OPCML: variants seen among roughly 807,000 people sequenced by gnomAD.
The protein encoded by OPCML is opioid-binding protein/cell adhesion molecule.
A neutral mutation model predicts 37.8 loss-of-function variants in OPCML; 13 were observed. The observed-to-expected ratio is 0.34, with a 90% CI of 0.22 to 0.55. The LOEUF is 0.55. OPCML is among the 20% of genes least tolerant of loss of function. OPCML has a pLI of 0.91. For synonymous variants in OPCML, 176 were observed against 168.8 expected, an observed-to-expected ratio of 1.04 and a Z score of -0.33; for missense variants, 341 against 435.6, an observed-to-expected ratio of 0.78 and a Z score of 1.93.
intron 2 of OPCML, among the ~76,000 whole-genome samples, chr11:132,793,326 T>A (rs7938345): frequency 0.53 from 81,185 of 152,056 alleles, 22,071 homozygotes; most frequent in African/African-American, 0.61. Context: ...CCGCAGAAAT[T>A]ACAAGCCCTT....
At chr11:132,439,641 A>G (rs532223226) in intron 4 of OPCML, among the ~76,000 whole-genome samples, 1 of 152,262 alleles carries the variant, frequency 6.6e-6, no homozygotes, top group African/African-American at 2.4e-5. Flanking sequence ...AAGCCTTTTT[A>G]AGGATTAAAC....
chr11:133,484,807 C>T (rs1348773382), intron 1 of OPCML, among the ~76,000 whole-genome samples: 1 of 151,730 alleles, frequency 6.6e-6, no homozygotes. Flanking sequence ...TAAGTTGTTA[C>T]ATTAAAATAT....
intron 1 of OPCML, among the ~76,000 whole-genome samples, chr11:133,412,288 A>G (rs1015376790): frequency 1.3e-5 from 2 of 152,212 alleles, no homozygotes; most frequent in African/African-American, 4.8e-5. Flanking sequence ...CAGCTGTCCC[A>G]CAGTGAGGCC....
intron 1 of OPCML, among the ~76,000 whole-genome samples, chr11:133,470,455 C>T (rs1171837085): frequency 6.6e-6 from 1 of 152,218 alleles, no homozygotes; most frequent in Non-Finnish European, 1.5e-5. Context: ...ACAGCTCCCC[C>T]ATCCCTGTGA....
At chr11:132,446,637 A>G (rs2096056070) in intron 4 of OPCML, among the ~76,000 whole-genome samples, 1 of 152,132 alleles carries the variant, frequency 6.6e-6, no homozygotes. Context: ...GTTTTTATTT[A>G]TTTTACACAT....
At chr11:133,115,637 C>A (rs1030598665) in intron 1 of OPCML, among the ~76,000 whole-genome samples, 7 of 150,892 alleles carry the variant, frequency 4.6e-5, no homozygotes, top group East Asian at 3.9e-4. Flanking sequence ...TGAAAACAAT[C>A]CCCTAAGGTG....
chr11:132,583,229 T>A (rs922939883), intron 3 of OPCML, among the ~76,000 whole-genome samples: 4 of 152,066 alleles, frequency 2.6e-5, no homozygotes, highest in African/African-American at 9.7e-5. Context: ...ACCTGGCTAA[T>A]TTTTTTAAAT....
chr11:132,473,620 G>A (rs902827782), intron 4 of OPCML, among the ~76,000 whole-genome samples: 5 of 152,178 alleles, frequency 3.3e-5, no homozygotes, highest in African/African-American at 1.2e-4. Flanking sequence ...AAGCCTGGGA[G>A]TTCGAGACCA....
intron 3 of OPCML, among the ~76,000 whole-genome samples, chr11:132,598,164 T>C (rs1343213417): frequency 6.6e-6 from 1 of 152,134 alleles, no homozygotes; most frequent in South Asian, 2.1e-4. Flanking sequence ...CGCAACCCAG[T>C]CTTTGCTCAC....
chr11:133,274,832 T>C (rs1469171155), intron 1 of OPCML, among the ~76,000 whole-genome samples: 1 of 152,184 alleles, frequency 6.6e-6, no homozygotes, highest in Non-Finnish European at 1.5e-5. Flanking sequence ...CTCCTTCAAA[T>C]GCTGTAGAAG....
chr11:133,331,947 AT>A (rs11356575), intron 1 of OPCML, among the ~76,000 whole-genome samples: 1,798 of 152,064 alleles, frequency 0.012, 37 homozygotes, highest in African/African-American at 0.039. Context: ...ATTTTAAAAT[AT>A]TTTTTTCTAG....
rs1189653678 is a variant in OPCML, at chr11:132,507,330, TTC to T, written c.505+21729_505+21730del. Among the ~76,000 whole-genome samples, 4 of 152,166 alleles carry T rather than the reference TTC, an allele frequency of 2.6e-5. No individual in the cohort carries two copies. The Middle Eastern group carries it at 0.01, about 388-fold the overall frequency. On this transcript the variant is annotated intron_variant, in intron 4 of 7. Coordinates refer to ENST00000524381, the MANE Select transcript of OPCML (RefSeq NM_001012393.5). Reference sequence around the variant, plus strand: ...GCTATGCACAATCTGAATAACAGAATTCTCTCTCAGTCTGGATGTTTATGTTT... The same window carrying T: ...GCTATGCACAATCTGAATAACAGAATTCTCTCAGTCTGGATGTTTATGTTT...
chr11:133,046,544 T>C (rs1218673284), intron 1 of OPCML, among the ~76,000 whole-genome samples: 1 of 152,122 alleles, frequency 6.6e-6, no homozygotes, highest in African/African-American at 2.4e-5. Context: ...GACAGCATCA[T>C]AGGCATCATA....
intron 2 of OPCML, among the ~76,000 whole-genome samples, chr11:132,879,210 T>A (rs1943135185): frequency 6.6e-6 from 1 of 152,212 alleles, no homozygotes; most frequent in South Asian, 2.1e-4. Flanking sequence ...GTCTACTATA[T>A]GGCAGCCATT....
intron 1 of OPCML, among the ~76,000 whole-genome samples, chr11:133,305,440 A>T (rs1942891445): frequency 6.6e-6 from 1 of 152,244 alleles, no homozygotes; most frequent in Non-Finnish European, 1.5e-5. Flanking sequence ...GAACTCAAAT[A>T]AACATATCAT....
chr11:133,521,115 G>A (rs914014042), intron 1 of OPCML, among the ~76,000 whole-genome samples: 2 of 152,238 alleles, frequency 1.3e-5, no homozygotes, highest in African/African-American at 4.8e-5. Context: ...AAGGCAAGGA[G>A]ACCTGGCAAC....
At chr11:133,404,520 T>C (rs1945484359) in intron 1 of OPCML, among the ~76,000 whole-genome samples, 1 of 152,190 alleles carries the variant, frequency 6.6e-6, no homozygotes, top group South Asian at 2.1e-4. Context: ...ATCCTCCTAC[T>C]CATTCCACAG....
rs559500983 is a variant in OPCML at position 132,618,773 on chromosome 11, G to A, written c.379+38314C>T. On this transcript the variant is annotated intron_variant, in intron 3 of 7. Coordinates refer to ENST00000524381, the MANE Select transcript of OPCML (RefSeq NM_001012393.5). ...TATTGTGCAAGCATCACCACTCTATGTCTCCAGAACTTTCCCATCATTCCA... is the reference window on the plus strand; with the variant it reads ...TATTGTGCAAGCATCACCACTCTATATCTCCAGAACTTTCCCATCATTCCA... Among the ~76,000 whole-genome samples the A allele has an allele frequency of 3.9e-5, 6 of 152,166 alleles. No homozygotes were observed. The East Asian group carries it at 1.2e-3, about 29-fold the overall frequency.
chr11:133,222,327 G>A (rs1249519087), intron 1 of OPCML, among the ~76,000 whole-genome samples: 1 of 152,210 alleles, frequency 6.6e-6, no homozygotes, highest in Non-Finnish European at 1.5e-5. Context: ...TCGCCAGGCA[G>A]GAGGTGAAAG....
Sources: allele counts gnomAD v4.1 joint callset (sites outside exome capture counted in the v4.1 genomes callset), GRCh38; gene constraint gnomAD v4.1.1; transcripts MANE v1.5; gene names NCBI Gene and HGNC (gene_info 2026-07-23, HGNC 2026-07-21).